VPS53: variants seen among roughly 807,000 people sequenced by gnomAD.
The protein encoded by VPS53 is vacuolar protein sorting-associated protein 53 homolog.
A neutral mutation model predicts 107.0 loss-of-function variants in VPS53; 70 were observed. That is an observed-to-expected ratio of 0.65 (90% CI 0.54 to 0.80). The LOEUF (loss-of-function observed/expected upper bound fraction) is 0.80, where lower values mean the gene tolerates loss of function less well. VPS53 is among the 30% of genes least tolerant of loss of function. The pLI is 0.00. For missense variants in VPS53, 917 were observed against 1,049.4 expected, an observed-to-expected ratio of 0.87 and a Z score of 1.74; for synonymous variants, 409 against 393.3, an observed-to-expected ratio of 1.04 and a Z score of -0.47.
intron 19 of VPS53, among the ~76,000 whole-genome samples, chr17:522,229 G>T (rs1239898092): frequency 6.6e-6 from 1 of 152,194 alleles, no homozygotes; most frequent in Non-Finnish European, 1.5e-5. Flanking sequence ...TAACTCTCCA[G>T]CCTGGGTGAC....
At chr17:605,874 G>A (rs867057463) in intron 11 of VPS53, among the ~76,000 whole-genome samples, 1 of 152,108 alleles carries the variant, frequency 6.6e-6, no homozygotes, top group Non-Finnish European at 1.5e-5. Context: ...GGTAAGGGTC[G>A]GTTTTCTTCT....
At chr17:582,478 T>TC (rs1967079229) in intron 13 of VPS53, among the ~76,000 whole-genome samples, 1 of 145,796 alleles carries the variant, frequency 6.9e-6, no homozygotes, top group Non-Finnish European at 1.5e-5. Flanking sequence ...CCTCAGAACC[T>TC]AGTGCATTCC....
chr17:657,394 G>A, intron 5 of VPS53: 1 of 815,580 alleles, frequency 1.2e-6, no homozygotes, highest in South Asian at 1.4e-5. Flanking sequence ...ATCTTCTTAA[G>A]TCTGTTCCTT....
chr17:698,630 G>C (rs1378658581), intron 3 of VPS53, among the ~76,000 whole-genome samples: 1 of 151,530 alleles, frequency 6.6e-6, no homozygotes, highest in Non-Finnish European at 1.5e-5. Context: ...TTGAGCCCAG[G>C]AGTTCGAGGC....
chr17:561,110 G>A (rs897351685), intron 14 of VPS53, among the ~76,000 whole-genome samples: 3 of 152,078 alleles, frequency 2.0e-5, no homozygotes, highest in East Asian at 1.9e-4. Context: ...GGATATAAGC[G>A]AATGTTAAGA....
chr17:678,040 G>A (rs919477120), intron 4 of VPS53, among the ~76,000 whole-genome samples: 1 of 152,098 alleles, frequency 6.6e-6, no homozygotes, highest in Non-Finnish European at 1.5e-5. Flanking sequence ...AGGATTACTT[G>A]AGCCTGGGAG....
rs1206378950 is a variant in VPS53, at chr17:518,208, G to A, written c.*920C>T. Reference sequence around the variant, plus strand: ...CTTGATATGCTGCCATTCTCTGGATGCAGGATGACATGAGAGGTCGGGAGC... The same window carrying A: ...CTTGATATGCTGCCATTCTCTGGATACAGGATGACATGAGAGGTCGGGAGC... On this transcript the variant is annotated 3_prime_UTR_variant, in exon 22 of 22. Coordinates refer to ENST00000437048, the MANE Select transcript of VPS53 (RefSeq NM_001128159.3). 1 of 151,236 alleles carries A rather than the reference G, an allele frequency of 6.6e-6. No homozygotes were observed. Among genetic ancestry groups the A allele is most frequent in the Non-Finnish European group, 1.5e-5 (1 of 67,644 alleles). The allele number at this position is 151,236 out of a possible 1,614,324, so 9.4% of individuals were successfully genotyped here.
chr17:587,826 ATATCT>A (rs1396208424), intron 12 of VPS53, among the ~76,000 whole-genome samples: 1 of 152,142 alleles, frequency 6.6e-6, no homozygotes, highest in Non-Finnish European at 1.5e-5. Context: ...TGAACTACTC[ATATCT>A]TATTTTTTAA....
At position 511,531 on chromosome 17, in the gene VPS53, C is replaced by T. The variant is rs1907943972; in HGVS notation, c.*7597G>A. 1 of 152,114 alleles carries T rather than the reference C, an allele frequency of 6.6e-6. No individual in the cohort carries two copies. The highest frequency in any genetic ancestry group is 1.5e-5 in the Non-Finnish European group (1 of 68,028). 9.4% of individuals were successfully genotyped at this position (152,114 alleles called of 1,614,324 possible). A position where few individuals can be genotyped will look rare whatever the true frequency, so the allele number is the denominator to read the frequency against. On this transcript the variant is annotated 3_prime_UTR_variant, in exon 22 of 22. Transcript: ENST00000437048. ...TTTTATTTTAACATCTCATATTGCC[C>T]CAGGTTCTCTGAGTCAACACCCTCA... is the stretch of plus-strand genomic sequence containing the variant.
chr17:662,366 G>A (rs1971468564), intron 4 of VPS53, among the ~76,000 whole-genome samples: 1 of 152,178 alleles, frequency 6.6e-6, no homozygotes, highest in East Asian at 1.9e-4. Flanking sequence ...TTCATAGTAA[G>A]CCATTTGAAA....
chr17:652,065 C>T (rs537715539), intron 7 of VPS53, among the ~76,000 whole-genome samples: 15 of 151,224 alleles, frequency 9.9e-5, no homozygotes, highest in African/African-American at 3.6e-4. Context: ...GGCAGGATCT[C>T]AGCTCACTGC....
At chr17:704,614 G>A (rs187823057) in intron 2 of VPS53, among the ~76,000 whole-genome samples, 1 of 152,320 alleles carries the variant, frequency 6.6e-6, no homozygotes, top group African/African-American at 2.4e-5. Context: ...GTGAAACTCT[G>A]AGACTAGAGA....
intron 12 of VPS53, among the ~76,000 whole-genome samples, chr17:600,542 T>A (rs1441336581): frequency 6.6e-6 from 1 of 152,252 alleles, no homozygotes; most frequent in Non-Finnish European, 1.5e-5. Flanking sequence ...CTGCATCTAA[T>A]CCTATAAATA....
chr17:668,811 T>C (rs1457222187), intron 4 of VPS53, among the ~76,000 whole-genome samples: 5 of 152,120 alleles, frequency 3.3e-5, no homozygotes. Context: ...CATGATCCTA[T>C]CTCAGAGAAA....
At chr17:699,543 AAGCTAC>A (rs1973117993) in intron 2 of VPS53, among the ~76,000 whole-genome samples, 163 bp from the exon 3 acceptor site, 1 of 152,094 alleles carries the variant, frequency 6.6e-6, no homozygotes, top group African/African-American at 2.4e-5. Context: ...CAGTAGTTGG[AAGCTAC>A]AGCCACATCT....
At chr17:571,819 G>A (rs1437042699) in intron 13 of VPS53, among the ~76,000 whole-genome samples, 5 of 152,264 alleles carry the variant, frequency 3.3e-5, no homozygotes, top group Non-Finnish European at 1.5e-5. Flanking sequence ...TGCCGGGATT[G>A]CAGACGGTGT....
Position 601,823 on chromosome 17 carries a change from A to C in VPS53, c.1190T>G (p.Leu397Arg). 1 of 1,603,312 alleles carries C rather than the reference A, an allele frequency of 6.2e-7. No homozygotes were observed. Among genetic ancestry groups the C allele is most frequent in the Non-Finnish European group, 8.5e-7 (1 of 1,174,438 alleles). ...ATCTAAATCTCCTTTCTCCGTTGCCAGTTCCTCCATCTCTGGTGTTGGCTC... is the reference window on the plus strand; with the variant it reads ...ATCTAAATCTCCTTTCTCCGTTGCCCGTTCCTCCATCTCTGGTGTTGGCTC... ...EDEPTPEMEE[L>R]ATEKGDLDQP... Residue 397 changes from leucine to arginine, a missense_variant, in exon 12 of 22, where the codon CTG becomes CGG. Coordinates refer to ENST00000437048, the MANE Select transcript of VPS53 (RefSeq NM_001128159.3).
intron 11 of VPS53, among the ~76,000 whole-genome samples, chr17:618,655 A>AGG (rs1969284526): frequency 8.0e-6 from 1 of 124,686 alleles, no homozygotes; most frequent in East Asian, 2.6e-4. Flanking sequence ...TGCCCACGAC[A>AGG]CCTGCTAATA....
At chr17:549,214 T>G (rs1004370665) in intron 17 of VPS53, among the ~76,000 whole-genome samples, 1 of 152,202 alleles carries the variant, frequency 6.6e-6, no homozygotes. Flanking sequence ...TCACAAAAGT[T>G]TTTTTAAATC....
Sources: gnomAD v4.1 joint callset for allele counts (sites outside exome capture counted in the v4.1 genomes callset) on GRCh38, gnomAD v4.1.1 for gene constraint, MANE v1.5 for transcripts, NCBI Gene and HGNC (gene_info 2026-07-23, HGNC 2026-07-21) for gene names.